The following NUP98 variants were observed in gnomAD, a reference collection of about 807,000 sequenced individuals.
The protein encoded by NUP98 is nuclear pore complex protein Nup98-Nup96.
In NUP98, 26 loss-of-function variants were observed where a neutral mutation model predicts 191.9. The ratio of observed to expected loss-of-function variants is 0.14; its 90% confidence interval spans 0.10 to 0.19. NUP98 has a LOEUF of 0.19. NUP98 is among the 10% of genes least tolerant of loss of function. The pLI, the probability that NUP98 is intolerant of heterozygous loss-of-function variation, is 1.00. For synonymous variants in NUP98, 808 were observed against 778.4 expected (o/e 1.04, Z -0.63); for missense variants, 1,941 against 2,178.8 (o/e 0.89, Z 2.17).
Position 3,675,104 on chromosome 11 carries a change from A to T in NUP98, c.*1055T>A, listed in dbSNP as rs540496460. On this transcript the variant is annotated 3_prime_UTR_variant, in exon 33 of 33. Transcript: ENST00000324932. ...AGATCATTTATTTATACATATATATATTTTTTAATAAAAACCTTTACATTA... is the reference window on the plus strand; with the variant it reads ...AGATCATTTATTTATACATATATATTTTTTTTAATAAAAACCTTTACATTA... The T allele has an allele frequency of 3.3e-5, 6 of 182,610 alleles. No homozygotes were observed. The highest frequency in any genetic ancestry group is 3.9e-4 in the South Asian group (2 of 5,074). 11.3% of individuals were successfully genotyped at this position (182,610 alleles called of 1,614,324 possible).
intron 11 of NUP98, among the ~76,000 whole-genome samples, chr11:3,746,827 C>T (rs1320799599): frequency 2.0e-5 from 3 of 151,194 alleles, no homozygotes; most frequent in Admixed American, 6.6e-5. Context: ...GCAGGAGAAT[C>T]GCTTGAGCCC....
intron 10 of NUP98, among the ~76,000 whole-genome samples, chr11:3,758,912 A>T (rs189680665): frequency 2.2e-4 from 34 of 152,362 alleles, no homozygotes; most frequent in Middle Eastern, 6.8e-3. Context: ...CATTTCTGGC[A>T]GTGAATGAGC....
chr11:3,763,453 G>A (rs1334085730), intron 8 of NUP98, among the ~76,000 whole-genome samples: 1 of 152,208 alleles, frequency 6.6e-6, no homozygotes, highest in Admixed American at 6.5e-5. Flanking sequence ...TAGGTGAAAA[G>A]AACTAATCAG....
rs1346804955 is a variant in NUP98, at chr11:3,735,222, T to C, written c.1511A>G (p.Asn504Ser). 2.5e-6 allele frequency: 4 copies of C among 1,600,018 alleles called. No homozygotes were observed. In the Admixed American group the frequency reaches 6.7e-5, roughly 27 times the overall value. ...SPFGDSPLFR[N>S]PMSDPKKKEE... ...CTTCTTCTTAGGGTCTGACATCGGA[T>C]TCCGGAAGAGAGGAGAGTCTCCAAA... The change falls in exon 13 of 33, where the codon AAT (asparagine) becomes AGT (serine). Residue 504 changes from asparagine to serine, a missense_variant. Physicochemically the swap from Asn to Ser is conservative, Grantham distance 46 (BLOSUM62 1). Transcript: ENST00000324932.
In NUP98 at chr11:3,718,073, G is replaced by A. The variant is rs187820012; in HGVS notation, c.2399+1339C>T. Among the ~76,000 whole-genome samples the A allele has an allele frequency of 2.5e-3, 385 of 152,226 alleles. 3 individuals carry two copies. Among genetic ancestry groups the A allele is most frequent in the African/African-American group, 8.9e-3 (370 of 41,548 alleles). On this transcript the variant is annotated intron_variant, in intron 18 of 32. Coordinates refer to ENST00000324932, the MANE Select transcript of NUP98 (RefSeq NM_016320.5). Reference sequence around the variant, plus strand: ...GTCTTTGGTTACTGAATAAGGTAACGCTTGCCTCATAGAATGAGTGTGAAA... The same window carrying A: ...GTCTTTGGTTACTGAATAAGGTAACACTTGCCTCATAGAATGAGTGTGAAA...
At chr11:3,759,093 A>G (rs2081076300) in intron 10 of NUP98, among the ~76,000 whole-genome samples, 1 of 152,116 alleles carries the variant, frequency 6.6e-6, no homozygotes. Flanking sequence ...AGCTCATTAA[A>G]AAACTGTTAA....
intron 14 of NUP98, among the ~76,000 whole-genome samples, chr11:3,728,651 G>A (rs185106257): frequency 2.6e-5 from 4 of 152,164 alleles, no homozygotes; most frequent in East Asian, 3.9e-4. Context: ...AAGCAGGAGA[G>A]TGGAGTGAAC....
In NUP98 at chr11:3,753,755, C is replaced by CAAAAAAAAAAAAAAAAAAA. The variant is rs58867754; in HGVS notation, c.1175-366_1175-348dup. On this transcript the variant is annotated intron_variant, in intron 10 of 32. Coordinates refer to ENST00000324932, the MANE Select transcript of NUP98 (RefSeq NM_016320.5). ...GTGAAACCCCGTCTCTATAAAAATA[C>CAAAAAAAAAAAAAAAAAAA]AAAAAAAAAAAAAAAAAAAAAAAAA... is the stretch of plus-strand genomic sequence containing the variant. Among the ~76,000 whole-genome samples, 4 of 10,170 alleles carry CAAAAAAAAAAAAAAAAAAA rather than the reference C, an allele frequency of 3.9e-4. 2 individuals carry two copies. The highest frequency in any genetic ancestry group is 0.33 in the Middle Eastern group (2 of 6). 6.7% of individuals were successfully genotyped at this position (10,170 alleles called of 152,430 possible). A position where few individuals can be genotyped will look rare whatever the true frequency, so the allele number is the denominator to read the frequency against.
At chr11:3,723,578 A>G (rs1315947015) in intron 15 of NUP98, 123 bp from the exon 16 acceptor site, 5 of 716,004 alleles carry the variant, frequency 7.0e-6, no homozygotes, top group South Asian at 1.9e-5. Context: ...TGTATTAAAA[A>G]TTCACTTAAT....
At chr11:3,705,011 A>T (rs2078817101) in intron 22 of NUP98, among the ~76,000 whole-genome samples, 189 bp downstream of exon 22, 2 of 152,224 alleles carry the variant, frequency 1.3e-5, no homozygotes, top group African/African-American at 4.8e-5. Flanking sequence ...CTGTCTCTAA[A>T]AACAAAAAAC....
At chr11:3,764,372 T>C (rs1256771092) in intron 8 of NUP98, among the ~76,000 whole-genome samples, 1 of 152,254 alleles carries the variant, frequency 6.6e-6, no homozygotes, top group Non-Finnish European at 1.5e-5. Context: ...AGGTTATTTC[T>C]ACATTTTAGT....
chr11:3,755,844 A>T (rs963983116), intron 10 of NUP98, among the ~76,000 whole-genome samples: 2 of 137,190 alleles, frequency 1.5e-5, no homozygotes, highest in Non-Finnish European at 3.4e-5. Flanking sequence ...GGCGCCTATA[A>T]TCCCAACTAC....
chr11:3,715,560 G>C (rs954017589), intron 18 of NUP98, among the ~76,000 whole-genome samples: 3 of 152,160 alleles, frequency 2.0e-5, no homozygotes, highest in African/African-American at 7.2e-5. Context: ...TATATCTTTG[G>C]AGAAATGTCG....
At position 3,676,532 on chromosome 11, in the gene NUP98, G is replaced by C; in HGVS notation, c.5162C>G (p.Ala1721Gly). 1 of 1,614,052 alleles carries C rather than the reference G, an allele frequency of 6.2e-7. No individual in the cohort carries two copies. Among genetic ancestry groups the C allele is most frequent in the Non-Finnish European group, 8.5e-7 (1 of 1,179,900 alleles). ...SRIEQIQCYS[A>G]KDRLAQSDMA... is the part of the protein sequence containing the mutation. ...ACCTGACTGAGCCAGGCGATCTTTAGCACTGTAACACTGAATCTGCTCTAT... is the reference window on the plus strand; with the variant it reads ...ACCTGACTGAGCCAGGCGATCTTTACCACTGTAACACTGAATCTGCTCTAT... Residue 1721 changes from alanine (A) to glycine (G), a missense_variant, in exon 32 of 33, where the codon GCT becomes GGT. Physicochemically the swap from Ala to Gly is moderately conservative, Grantham distance 60. Coordinates refer to ENST00000324932, the MANE Select transcript of NUP98 (RefSeq NM_016320.5).
intron 12 of NUP98, among the ~76,000 whole-genome samples, chr11:3,738,589 C>T (rs1374563148): frequency 6.6e-6 from 1 of 151,812 alleles, no homozygotes. Context: ...AATAGCCTGG[C>T]CAAAATGGTG....
chr11:3,735,462 C>A, intron 12 of NUP98, 138 bp from the exon 13 acceptor site: 1 of 367,608 alleles, frequency 2.7e-6, no homozygotes. Flanking sequence ...ATCATTGGGG[C>A]AGAATGTGTG....
chr11:3,713,725 C>G, intron 19 of NUP98, 93 bp downstream of exon 19: 1 of 1,195,552 alleles, frequency 8.4e-7, no homozygotes, highest in Non-Finnish European at 1.2e-6. Context: ...ATCAATCAAT[C>G]AATAGAATTT....
intron 18 of NUP98, among the ~76,000 whole-genome samples, chr11:3,716,398 T>G (rs548941433): frequency 8.6e-4 from 131 of 152,204 alleles, no homozygotes; most frequent in Non-Finnish European, 1.7e-3. Flanking sequence ...CCGAGTAATT[T>G]TTATACCTTA....
chr11:3,679,900 A>G (rs4910976), intron 30 of NUP98, 192 bp from the exon 31 acceptor site: 334,173 of 595,660 alleles, frequency 0.56, 95,792 homozygotes, highest in Admixed American at 0.73. Flanking sequence ...CAGGTATCAC[A>G]ATAAAATCAC....
Sources: gnomAD v4.1 joint callset for allele counts (sites outside exome capture counted in the v4.1 genomes callset) on GRCh38, gnomAD v4.1.1 for gene constraint, MANE v1.5 for transcripts, NCBI Gene and HGNC (gene_info 2026-07-23, HGNC 2026-07-21) for gene names.